ZNF33A: variants seen among roughly 807,000 people sequenced by gnomAD.
The protein encoded by ZNF33A is brain my041 protein.
Under a neutral mutation model 15.9 loss-of-function variants are expected in ZNF33A, and 9 were observed. The observed-to-expected ratio is 0.57, with a 90% CI of 0.34 to 0.99. The LOEUF (loss-of-function observed/expected upper bound fraction) is 0.99, where lower values mean the gene tolerates loss of function less well. Ranked by LOEUF, ZNF33A falls within the 50% of genes least tolerant of loss-of-function variation. The pLI is 0.02. For missense variants in ZNF33A, 843 were observed against 941.6 expected (o/e 0.90, Z 1.37); for synonymous variants, 294 against 324.2 (o/e 0.91, Z 1.00).
At position 38,057,828 on chromosome 10, in the gene ZNF33A, C is replaced by A; in HGVS notation, c.*1268C>A. ...TCTCCAAGACAGGGCCCTGGAAAGG[C>A]CCACACATACAGCCCAGGGCTGCCC... On this transcript the variant is annotated 3_prime_UTR_variant, in exon 5 of 5. Coordinates refer to ENST00000432900, the MANE Select transcript of ZNF33A (RefSeq NM_006954.2). The A allele has an allele frequency of 1.0e-6, 1 of 985,404 alleles. No homozygotes were observed. The highest frequency in any genetic ancestry group is 1.2e-6 in the Non-Finnish European group (1 of 829,958). The allele number at this position is 985,404 out of a possible 1,614,324, so 61.0% of individuals were successfully genotyped here. A position where few individuals can be genotyped will look rare whatever the true frequency, so the allele number is the denominator to read the frequency against.
intron 4 of ZNF33A, among the ~76,000 whole-genome samples, chr10:38,025,946 C>G (rs2064967844): frequency 6.6e-6 from 1 of 152,142 alleles, no homozygotes; most frequent in East Asian, 1.9e-4. Flanking sequence ...CCCCTCCTGC[C>G]AGCCTATGGT....
intron 4 of ZNF33A, among the ~76,000 whole-genome samples, chr10:38,022,382 T>A (rs971606021): frequency 6.6e-6 from 1 of 151,990 alleles, no homozygotes; most frequent in Non-Finnish European, 1.5e-5. Flanking sequence ...ATAGGCCAGG[T>A]GTGGTGGCTC....
At chr10:38,015,916 G>A (rs1249132291) in intron 2 of ZNF33A, 9 of 1,068,156 alleles carry the variant, frequency 8.4e-6, no homozygotes, top group African/African-American at 1.6e-5. Flanking sequence ...ACCTGGTCCT[G>A]TAATTTCAGT....
At chr10:38,051,575 C>T (rs191139868) in intron 4 of ZNF33A, among the ~76,000 whole-genome samples, 4 of 152,104 alleles carry the variant, frequency 2.6e-5, no homozygotes, top group Admixed American at 2.6e-4. Flanking sequence ...GCCAGAAAAT[C>T]TTATGATCAA....
chr10:38,016,007 C>T, intron 2 of ZNF33A: 1 of 1,231,610 alleles, frequency 8.1e-7, no homozygotes. Flanking sequence ...ATATCCAGAA[C>T]AATCCAATTG....
chr10:38,063,629 A>G (rs2066681608), downstream of ZNF33A, among the ~76,000 whole-genome samples: 1 of 152,322 alleles, frequency 6.6e-6, no homozygotes, highest in South Asian at 2.1e-4. Context: ...TGTGTTACCA[A>G]TCATTGGTAG....
chr10:38,014,020 A>G (rs1016771311), intron 2 of ZNF33A, among the ~76,000 whole-genome samples: 6 of 136,374 alleles, frequency 4.4e-5, no homozygotes, highest in African/African-American at 1.6e-4. Flanking sequence ...AAAGCCCCAA[A>G]TTTAATGATG....
rs2135783394 is a variant in ZNF33A, at chr10:38,057,867, T to C, written c.*1307T>C. On this transcript the variant is annotated 3_prime_UTR_variant, in exon 5 of 5. Coordinates refer to ENST00000432900, the MANE Select transcript of ZNF33A (RefSeq NM_006954.2). ...CCAGGGCTGCCCAGGGCTGTTGGAC[T>C]GTCATTTCAAGGCTCATTGTCCCCA... 2.0e-6 allele frequency: 2 copies of C among 985,436 alleles called. No homozygotes were observed. The highest frequency in any genetic ancestry group is 2.4e-6 in the Non-Finnish European group (2 of 829,948). 61.0% of individuals were successfully genotyped at this position (985,436 alleles called of 1,614,324 possible). A position where few individuals can be genotyped will look rare whatever the true frequency, so the allele number is the denominator to read the frequency against.
At chr10:38,017,470 G>A in intron 4 of ZNF33A, 84 bp downstream of exon 4, 1 of 1,043,130 alleles carries the variant, frequency 9.6e-7, no homozygotes, top group Non-Finnish European at 1.4e-6. Flanking sequence ...AACTTTGGAA[G>A]ATTTTTCAAG....
Position 38,054,593 on chromosome 10 carries a change from A to T in ZNF33A, c.469A>T (p.Ile157Phe), listed in dbSNP as rs186942770. The T allele has an allele frequency of 2.5e-6, 4 of 1,611,384 alleles. No homozygotes were observed. In the East Asian group the frequency reaches 8.9e-5, roughly 36 times the overall value. The change falls in exon 5 of 5, where the codon ATC becomes TTC. Residue 157 changes from isoleucine (I) to phenylalanine (F), a missense_variant. Coordinates refer to ENST00000432900, the MANE Select transcript of ZNF33A (RefSeq NM_006954.2). ...MSFNTVSELV[I>F]SKINYLGKKS... ...TTTCAACACTGTTTCAGAATTGGTT[A>T]TCAGTAAGATAAACTATTTAGGAAA...
In ZNF33A at chr10:38,059,919, T is replaced by C. The variant is rs1197922194; in HGVS notation, c.*3359T>C. On this transcript the variant is annotated 3_prime_UTR_variant, in exon 5 of 5. Coordinates refer to ENST00000432900, the MANE Select transcript of ZNF33A (RefSeq NM_006954.2). ...GAACCATAATGATGCAAGATGTTAA[T>C]GATTGGGGAGCCTGTGGAAGATGGG... 1 of 203,656 alleles carries C rather than the reference T, an allele frequency of 4.9e-6. No homozygotes were observed. The highest frequency in any genetic ancestry group is 6.5e-5 in the Admixed American group (1 of 15,320). The allele number at this position is 203,656 out of a possible 1,614,324, so 12.6% of individuals were successfully genotyped here. A position where few individuals can be genotyped will look rare whatever the true frequency, so the allele number is the denominator to read the frequency against.
At chr10:38,015,393 C>A (rs1391986333) in intron 2 of ZNF33A, among the ~76,000 whole-genome samples, 2 of 152,098 alleles carry the variant, frequency 1.3e-5, no homozygotes, top group Admixed American at 1.3e-4. Flanking sequence ...GCAACGTCTG[C>A]CTCCCAGGTT....
At chr10:38,047,523 A>T (rs966671454) in intron 4 of ZNF33A, among the ~76,000 whole-genome samples, 3 of 149,830 alleles carry the variant, frequency 2.0e-5, no homozygotes, top group African/African-American at 7.4e-5. Context: ...GCTACTCGGG[A>T]GGCTGAGGCA....
chr10:38,060,034 AAAT>A lies in ZNF33A; in HGVS notation c.*3477_*3479del. On this transcript the variant is annotated 3_prime_UTR_variant, in exon 5 of 5. Transcript: ENST00000432900. Reference sequence around the variant, plus strand: ...CTCTAAAAAATGAAGTGTATCAAGTAAATAAATAACCAACCAACCAACCCTGAG... The same window carrying A: ...CTCTAAAAAATGAAGTGTATCAAGTAAAATAACCAACCAACCAACCCTGAG... 1.0e-6 allele frequency: 1 copy of A among 985,042 alleles called. No individual in the cohort carries two copies. Among genetic ancestry groups the A allele is most frequent in the Non-Finnish European group, 1.2e-6 (1 of 829,572 alleles). The allele number at this position is 985,042 out of a possible 1,614,324, so 61.0% of individuals were successfully genotyped here.
intron 4 of ZNF33A, among the ~76,000 whole-genome samples, chr10:38,044,865 A>T (rs748572570): frequency 1.5e-4 from 23 of 151,770 alleles, no homozygotes; most frequent in Non-Finnish European, 2.6e-4. Context: ...ACGGGGTTTC[A>T]CCATGTTGAC....
intron 3 of ZNF33A, 104 bp from the exon 4 acceptor site, chr10:38,017,187 A>G (rs771042757): frequency 1.5e-5 from 21 of 1,395,662 alleles, no homozygotes; most frequent in Non-Finnish European, 2.0e-5. Context: ...TCCAGTGAAA[A>G]TGTTCCACTG....
At chr10:38,015,504 G>T (rs2064411181) in intron 2 of ZNF33A, among the ~76,000 whole-genome samples, 1 of 152,038 alleles carries the variant, frequency 6.6e-6, no homozygotes, top group Non-Finnish European at 1.5e-5. Context: ...ATTTTTAGTA[G>T]AGATGGGGTT....
At position 38,056,030 on chromosome 10, in the gene ZNF33A, C is replaced by T. The variant is rs780824511; in HGVS notation, c.1906C>T (p.Pro636Ser). The change falls in exon 5 of 5, where the codon CCC becomes TCC. Residue 636 changes from proline to serine, a missense_variant. Physicochemically the swap from Pro to Ser is moderately conservative, Grantham distance 74 (BLOSUM62 -1). Coordinates refer to ENST00000432900, the MANE Select transcript of ZNF33A (RefSeq NM_006954.2). Reference sequence around the variant, plus strand: ...TCAGAGAATTCACATAGGGGAGAAACCCTATAAATGTAATGAGTGTGGAAA... The same window carrying T: ...TCAGAGAATTCACATAGGGGAGAAATCCTATAAATGTAATGAGTGTGGAAA... ...QHQRIHIGEK[P>S]YKCNECGKAF... is the part of the protein sequence containing the mutation. The T allele has an allele frequency of 1.1e-5, 18 of 1,613,954 alleles. No individual in the cohort carries two copies. Among genetic ancestry groups the T allele is most frequent in the Non-Finnish European group, 1.5e-5 (18 of 1,179,990 alleles).
In ZNF33A at chr10:38,024,162, A is replaced by AC. The variant is rs532617710; in HGVS notation, c.250+6777dup. Among the ~76,000 whole-genome samples the AC allele has an allele frequency of 3.7e-3, 309 of 83,606 alleles. 2 individuals carry two copies. Among genetic ancestry groups the AC allele is most frequent in the Non-Finnish European group, 5.9e-3 (237 of 40,096 alleles). The allele number at this position is 83,606 out of a possible 152,430, so 54.8% of individuals were successfully genotyped here. A position where few individuals can be genotyped will look rare whatever the true frequency, so the allele number is the denominator to read the frequency against. ...AGTGAAACTCCGTCTCAAAAACAAA[A>AC]CAAAAAAAAAAAAAAAAAAGAAAAA... On this transcript the variant is annotated intron_variant, in intron 4 of 4. Transcript: ENST00000432900.
Sources: gnomAD v4.1 joint callset for allele counts (sites outside exome capture counted in the v4.1 genomes callset) on GRCh38, gnomAD v4.1.1 for gene constraint, MANE v1.5 for transcripts, NCBI Gene and HGNC (gene_info 2026-07-23, HGNC 2026-07-21) for gene names.